WDR27: variants seen among roughly 807,000 people sequenced by gnomAD.
WDR27 encodes WD repeat domain 27.
WDR27 carries 100 observed loss-of-function variants against 114.4 expected under a neutral mutation model. That is an observed-to-expected ratio of 0.87 (90% confidence interval 0.74 to 1.03). The LOEUF is 1.03. WDR27 is among the 50% of genes least tolerant of loss of function. WDR27 has a pLI of 0.00. For synonymous variants in WDR27, 449 were observed against 423.1 expected (o/e 1.06, Z -0.75); for missense variants, 1,129 against 1,092.9 (o/e 1.03, Z -0.47).
chr6:169,673,984 C>T (rs1779451823), intron 2 of WDR27, among the ~76,000 whole-genome samples: 1 of 152,158 alleles, frequency 6.6e-6, no homozygotes, highest in Non-Finnish European at 1.5e-5. Flanking sequence ...TAAAACAACC[C>T]TCATAAGAAC....
At chr6:169,696,173 T>C (rs1174318229) in intron 1 of WDR27, among the ~76,000 whole-genome samples, 2 of 152,124 alleles carry the variant, frequency 1.3e-5, no homozygotes, top group Admixed American at 6.5e-5. Context: ...AGAAACGAAA[T>C]GACAATTCCC....
At chr6:169,517,795 CCATGGTTTCT>C (rs1332244385) in intron 25 of WDR27, among the ~76,000 whole-genome samples, 2 of 152,164 alleles carry the variant, frequency 1.3e-5, no homozygotes, top group Non-Finnish European at 2.9e-5. Context: ...CTTTTAGACA[CCATGGTTTCT>C]AATGAGAAAT....
chr6:169,436,991 A>C, the WDR27 span, among the ~76,000 whole-genome samples: 1 of 152,148 alleles, frequency 6.6e-6, no homozygotes, highest in Admixed American at 6.5e-5. Flanking sequence ...AAGACTTCTA[A>C]TTAATATATG....
chr6:169,654,135 C>T (rs1360040059), intron 13 of WDR27, among the ~76,000 whole-genome samples: 1 of 152,174 alleles, frequency 6.6e-6, no homozygotes, highest in East Asian at 1.9e-4. Context: ...TGATGCAAAA[C>T]TCCTCAATAA....
chr6:169,476,120 C>A (rs190004749), intron 25 of WDR27, among the ~76,000 whole-genome samples: 4 of 152,296 alleles, frequency 2.6e-5, no homozygotes, highest in Admixed American at 2.6e-4. Context: ...GTAAAAGAGT[C>A]TTGGAACATG....
At chr6:169,439,133 T>TATTC in the WDR27 span, among the ~76,000 whole-genome samples, 1 of 152,210 alleles carries the variant, frequency 6.6e-6, no homozygotes, top group Non-Finnish European at 1.5e-5. Context: ...CCATGATGCT[T>TATTC]ATTCGATGGG....
At chr6:169,566,949 A>C (rs541040982) in intron 25 of WDR27, among the ~76,000 whole-genome samples, 1 of 152,338 alleles carries the variant, frequency 6.6e-6, no homozygotes, top group Non-Finnish European at 1.5e-5. Flanking sequence ...TTTATTAAAA[A>C]TGCATAATAG....
chr6:169,500,268 G>C (rs1790982981), intron 25 of WDR27, among the ~76,000 whole-genome samples: 1 of 152,132 alleles, frequency 6.6e-6, no homozygotes, highest in African/African-American at 2.4e-5. Context: ...GAAAATGATG[G>C]TGCGTTTTAT....
At chr6:169,509,650 C>A (rs1191272576) in intron 25 of WDR27, among the ~76,000 whole-genome samples, 2 of 151,458 alleles carry the variant, frequency 1.3e-5, no homozygotes, top group African/African-American at 4.9e-5. Flanking sequence ...TAAAGACTTA[C>A]ATGTTAGACC....
At chr6:169,511,213 A>G (rs1203559990) in intron 25 of WDR27, among the ~76,000 whole-genome samples, 1 of 152,204 alleles carries the variant, frequency 6.6e-6, no homozygotes, top group East Asian at 1.9e-4. Context: ...TTCCATTGAA[A>G]GTGATTATTC....
intron 25 of WDR27, among the ~76,000 whole-genome samples, chr6:169,500,735 C>G (rs375330022): frequency 9.9e-5 from 15 of 152,262 alleles, no homozygotes; most frequent in African/African-American, 3.6e-4. Flanking sequence ...AGAAGGCACA[C>G]GACATGGTGG....
chr6:169,628,105 T>C (rs1018514598), intron 21 of WDR27, among the ~76,000 whole-genome samples: 3 of 151,954 alleles, frequency 2.0e-5, no homozygotes, highest in Non-Finnish European at 2.9e-5. Context: ...GAGAAGTGAT[T>C]AGGTCATGAG....
At chr6:169,528,083 C>T (rs1423467946) in intron 25 of WDR27, among the ~76,000 whole-genome samples, 1 of 151,988 alleles carries the variant, frequency 6.6e-6, no homozygotes, top group Non-Finnish European at 1.5e-5. Context: ...ATATAATCCA[C>T]AAGGATTAAG....
intron 25 of WDR27, among the ~76,000 whole-genome samples, chr6:169,530,631 A>C (rs1471434081): frequency 6.6e-6 from 1 of 152,200 alleles, no homozygotes; most frequent in Non-Finnish European, 1.5e-5. Flanking sequence ...AGGAGACTGC[A>C]ACGCATGGAG....
chr6:169,429,990 G>C, the WDR27 span, among the ~76,000 whole-genome samples: 1 of 152,200 alleles, frequency 6.6e-6, no homozygotes, highest in Admixed American at 6.5e-5. Context: ...TGTGTTTCCA[G>C]GCCAAGGCCC....
the WDR27 span, among the ~76,000 whole-genome samples, chr6:169,448,375 C>CCT: frequency 7.0e-6 from 1 of 143,364 alleles, no homozygotes; most frequent in Non-Finnish European, 1.5e-5. Flanking sequence ...TCTCTCTCTC[C>CCT]CTCTGTCTCT....
At chr6:169,617,294 G>T (rs1200383373) in intron 21 of WDR27, among the ~76,000 whole-genome samples, 1 of 152,178 alleles carries the variant, frequency 6.6e-6, no homozygotes, top group East Asian at 1.9e-4. Flanking sequence ...TTGAGGAGGC[G>T]GTGCCTGATG....
intron 6 of WDR27, chr6:169,666,308 T>C: frequency 1.2e-6 from 1 of 850,408 alleles, no homozygotes. Flanking sequence ...CACACATGGA[T>C]ACATTAACCT....
downstream of WDR27, among the ~76,000 whole-genome samples, chr6:169,455,358 T>C (rs1319860715): frequency 6.6e-6 from 1 of 152,184 alleles, no homozygotes; most frequent in Non-Finnish European, 1.5e-5. Context: ...AGACGATGAA[T>C]TGGAATCAAG....
Sources: allele counts gnomAD v4.1 joint callset (sites outside exome capture counted in the v4.1 genomes callset), GRCh38; gene constraint gnomAD v4.1.1; transcripts MANE v1.5; gene names NCBI Gene and HGNC (gene_info 2026-07-23, HGNC 2026-07-21).